AKAP8L: variants seen among roughly 807,000 people sequenced by gnomAD.
AKAP8L encodes the protein A-kinase anchor protein 8-like.
Under a neutral mutation model 77.5 loss-of-function variants are expected in AKAP8L, and 34 were observed. That is an observed-to-expected ratio of 0.44 (90% CI 0.33 to 0.58). The LOEUF is 0.58. Ranked by LOEUF, AKAP8L falls within the 20% of genes least tolerant of loss-of-function variation. The probability of loss-of-function intolerance (pLI) is 0.02; values close to 1 mark genes in which losing one functional copy is unlikely to be tolerated. For synonymous variants in AKAP8L, 342 were observed against 340.7 expected, an observed-to-expected ratio of 1.00 and a Z score of -0.04; for missense variants, 806 against 887.6, an observed-to-expected ratio of 0.91 and a Z score of 1.17.
At chr19:15,409,828 G>A (rs1340451240) in intron 2 of AKAP8L, among the ~76,000 whole-genome samples, 1 of 152,140 alleles carries the variant, frequency 6.6e-6, no homozygotes, top group Non-Finnish European at 1.5e-5. Flanking sequence ...GGCTTGAGGT[G>A]GCCTGGCTGA....
intron 1 of AKAP8L, among the ~76,000 whole-genome samples, chr19:15,414,269 C>A (rs1476684840): frequency 6.6e-6 from 1 of 151,900 alleles, no homozygotes; most frequent in Non-Finnish European, 1.5e-5. Context: ...GTTGGTCAGG[C>A]TGGTATCAAA....
intron 12 of AKAP8L, among the ~76,000 whole-genome samples, chr19:15,389,034 G>A (rs1370130189): frequency 6.9e-6 from 1 of 145,584 alleles, no homozygotes; most frequent in African/African-American, 2.5e-5. Context: ...CTAACACGGT[G>A]AAACCCCATC....
intron 4 of AKAP8L, among the ~76,000 whole-genome samples, chr19:15,402,558 G>A (rs1454118646): frequency 2.0e-5 from 3 of 152,236 alleles, no homozygotes; most frequent in Non-Finnish European, 2.9e-5. Context: ...AGCTCTGAGT[G>A]CTGCAGCTGT....
At chr19:15,382,481 G>A (rs1967440019) in intron 12 of AKAP8L, among the ~76,000 whole-genome samples, 1 of 152,140 alleles carries the variant, frequency 6.6e-6, no homozygotes, top group African/African-American at 2.4e-5. Context: ...GTGATTACAG[G>A]CGTGAGCCAC....
chr19:15,412,581 C>T (rs2145149678), intron 1 of AKAP8L, among the ~76,000 whole-genome samples: 1 of 152,240 alleles, frequency 6.6e-6, no homozygotes, highest in African/African-American at 2.4e-5. Flanking sequence ...CGGAGTCTCG[C>T]ACTAGGTTGG....
chr19:15,395,856 C>A (rs1185072699), intron 12 of AKAP8L, among the ~76,000 whole-genome samples: 1 of 144,020 alleles, frequency 6.9e-6, no homozygotes, highest in African/African-American at 2.6e-5. Context: ...TGGTAGCGGG[C>A]GCCTGTAGTC....
At chr19:15,406,445 T>A (rs1968003303) in intron 2 of AKAP8L, among the ~76,000 whole-genome samples, 1 of 149,314 alleles carries the variant, frequency 6.7e-6, no homozygotes, top group Non-Finnish European at 1.5e-5. Flanking sequence ...AATATATACA[T>A]ATATATGTAA....
chr19:15,390,622 A>G (rs1452812983), intron 12 of AKAP8L, among the ~76,000 whole-genome samples: 4 of 152,138 alleles, frequency 2.6e-5, no homozygotes, highest in African/African-American at 7.2e-5. Context: ...CAAATATATC[A>G]CCAAAACACT....
At position 15,380,255 on chromosome 19, in the gene AKAP8L, G is replaced by C; in HGVS notation, c.1808C>G (p.Pro603Arg). Reference sequence around the variant, plus strand: ...CTCCTCCTCTGGGGGCGGCGGCGGTGGCGGCGACACGGCCCCGGGGGCTGG... The same window carrying C: ...CTCCTCCTCTGGGGGCGGCGGCGGTCGCGGCGACACGGCCCCGGGGGCTGG... The part of the protein sequence containing the change: ...PEPAPGAVSP[P>R]PPPPPEEEEE... The change falls in exon 14 of 14, where the codon CCA (proline) becomes CGA (arginine). Residue 603 changes from proline (P) to arginine (R), a missense_variant. By Grantham distance (103) the Pro-to-Arg change is moderately radical. Around this residue, in one of 2 missense-constraint regions of AKAP8L, gnomAD observed 226 missense variants for 193.5 expected, o/e 1.17. Transcript: ENST00000397410. 1.5e-5 allele frequency: 23 copies of C among 1,498,670 alleles called. No homozygotes were observed. The highest frequency in any genetic ancestry group is 2.0e-5 in the Non-Finnish European group (23 of 1,134,402). 92.8% of individuals were successfully genotyped at this position (1,498,670 alleles called of 1,614,324 possible). A position where few individuals can be genotyped will look rare whatever the true frequency, so the allele number is the denominator to read the frequency against.
At chr19:15,404,641 G>A (rs554961474) in intron 2 of AKAP8L, among the ~76,000 whole-genome samples, 45 of 152,224 alleles carry the variant, frequency 3.0e-4, no homozygotes, top group Non-Finnish European at 6.2e-4. Flanking sequence ...TGGGAACTCT[G>A]AGTCAAACAC....
rs1054244382 is a variant in AKAP8L, at chr19:15,403,795, T to C, written c.122-80A>G. The C allele has an allele frequency of 8.2e-7, 1 of 1,217,194 alleles. No individual in the cohort carries two copies. Among genetic ancestry groups the C allele is most frequent in the Non-Finnish European group, 1.2e-6 (1 of 845,528 alleles). The allele number at this position is 1,217,194 out of a possible 1,614,324, so 75.4% of individuals were successfully genotyped here. ...AGACAGAGACAGAGACAAACACAGATACAAGGGTATCTTCTGTCACAGAGA... is the reference window on the plus strand; with the variant it reads ...AGACAGAGACAGAGACAAACACAGACACAAGGGTATCTTCTGTCACAGAGA... On this transcript the variant is annotated intron_variant, in intron 3 of 13. Transcript: ENST00000397410. This position sits in a 1 kb window ranked among gnomAD's most constrained non-coding sequence, Gnocchi z 4.3.
At position 15,380,459 on chromosome 19, in the gene AKAP8L, G is replaced by GA. The variant is rs762728855; in HGVS notation, c.1633-30dup. On this transcript the variant is annotated intron_variant, in intron 13 of 13. Transcript: ENST00000397410. Reference sequence around the variant, plus strand: ...TGGGGAGGGGCGCGGACACTGAAGGGAGGGAGCACAGGCGGGGACTAAGCT... The same window carrying GA: ...TGGGGAGGGGCGCGGACACTGAAGGGAAGGGAGCACAGGCGGGGACTAAGCT... 2.5e-6 allele frequency: 4 copies of GA among 1,611,988 alleles called. No homozygotes were observed. In the East Asian group the frequency reaches 8.9e-5, roughly 36 times the overall value.
At chr19:15,416,331 A>G (rs1968206796) in intron 1 of AKAP8L, among the ~76,000 whole-genome samples, 1 of 152,174 alleles carries the variant, frequency 6.6e-6, no homozygotes, top group Non-Finnish European at 1.5e-5. Flanking sequence ...TGCAACCAAT[A>G]AGATTTATGA....
At chr19:15,385,355 G>A (rs1001125137) in intron 12 of AKAP8L, among the ~76,000 whole-genome samples, 2 of 149,116 alleles carry the variant, frequency 1.3e-5, no homozygotes, top group Non-Finnish European at 3.0e-5. Flanking sequence ...CTAATTTTTT[G>A]TATTTTTAGT....
chr19:15,404,653 C>T (rs943098995), intron 2 of AKAP8L, among the ~76,000 whole-genome samples: 4 of 152,226 alleles, frequency 2.6e-5, no homozygotes, highest in African/African-American at 9.6e-5. Context: ...GTCAAACACA[C>T]AGTTCCTCCC....
intron 12 of AKAP8L, among the ~76,000 whole-genome samples, chr19:15,391,539 TTTTA>T (rs1967661644): frequency 6.8e-6 from 1 of 147,208 alleles, no homozygotes; most frequent in Admixed American, 6.9e-5. Context: ...TTTTATTTTA[TTTTA>T]TTTATTTATT....
Position 15,380,755 on chromosome 19 carries a change from G to A in AKAP8L, c.1537-143C>T, listed in dbSNP as rs141078900. The A allele has an allele frequency of 7.5e-4, 498 of 663,886 alleles. 1 individual carries two copies. In the African/African-American group the frequency reaches 7.7e-3, roughly 10 times the overall value. The allele number at this position is 663,886 out of a possible 1,614,324, so 41.1% of individuals were successfully genotyped here. A position where few individuals can be genotyped will look rare whatever the true frequency, so the allele number is the denominator to read the frequency against. ...CCACCAACGGAGGGCCACTCCACAA[G>A]CATGGAACCACAACCTATCTGATCT... On this transcript the variant is annotated intron_variant, in intron 12 of 13. Transcript: ENST00000397410.
At chr19:15,395,976 T>C (rs1351750997) in intron 12 of AKAP8L, among the ~76,000 whole-genome samples, 5 of 10,670 alleles carry the variant, frequency 4.7e-4, no homozygotes, top group Admixed American at 2.0e-3. Context: ...AGAGCGAGAC[T>C]CCGTCTCAAA....
intron 1 of AKAP8L, among the ~76,000 whole-genome samples, chr19:15,412,742 C>T (rs1353297945): frequency 1.3e-5 from 2 of 152,202 alleles, no homozygotes; most frequent in Non-Finnish European, 2.9e-5. Flanking sequence ...TGGGGTTTCA[C>T]CATGTTAGCC....
Sources: gnomAD v4.1 joint callset for allele counts (sites outside exome capture counted in the v4.1 genomes callset) on GRCh38, gnomAD v4.1.1 for gene constraint, gnomAD v4.1.1 regional missense constraint, Gnocchi (gnomAD v3.1) non-coding constraint, MANE v1.5 for transcripts, NCBI Gene and HGNC (gene_info 2026-07-23, HGNC 2026-07-21) for gene names.